GNAQ: variants seen among roughly 807,000 people sequenced by gnomAD.
The protein encoded by GNAQ is guanine nucleotide-binding protein G(q) subunit alpha.
A neutral mutation model predicts 43.9 loss-of-function variants in GNAQ; 8 were observed. The observed-to-expected ratio is 0.18, with a 90% CI of 0.11 to 0.33. The LOEUF (loss-of-function observed/expected upper bound fraction) is 0.33. GNAQ is among the 10% of genes least tolerant of loss of function. GNAQ has a pLI of 1.00. For synonymous variants in GNAQ, 155 were observed against 170.7 expected, an observed-to-expected ratio of 0.91 and a Z score of 0.71; for missense variants, 158 against 450.8, an observed-to-expected ratio of 0.35 and a Z score of 5.88.
chr9:77,913,305 T>C lies in GNAQ; in HGVS notation c.321+8856A>G, dbSNP rs549940028. Among the ~76,000 whole-genome samples, 6 of 149,868 alleles carry C rather than the reference T, an allele frequency of 4.0e-5. No homozygotes were observed. In the Admixed American group the frequency reaches 4.0e-4, roughly 10 times the overall value. ...ATAATAGGATATAATTATATATATA[T>C]AATTATAACAAATTATAGCATATTT... On this transcript the variant is annotated intron_variant, in intron 2 of 6. Transcript: ENST00000286548.
At chr9:77,994,018 T>C (rs1384595349) in intron 1 of GNAQ, among the ~76,000 whole-genome samples, 2 of 152,144 alleles carry the variant, frequency 1.3e-5, no homozygotes, top group African/African-American at 4.8e-5. Context: ...GGGTTTTTTG[T>C]TTGTCTGTTT....
chr9:77,783,563 G>C (rs936391751), intron 5 of GNAQ, among the ~76,000 whole-genome samples: 1 of 151,936 alleles, frequency 6.6e-6, no homozygotes, highest in South Asian at 2.1e-4. Context: ...TCAAGTCACT[G>C]CCTGCCTGTG....
intron 2 of GNAQ, among the ~76,000 whole-genome samples, chr9:77,915,478 C>T (rs1828885238): frequency 6.6e-6 from 1 of 152,096 alleles, no homozygotes; most frequent in African/African-American, 2.4e-5. Context: ...TAGTAGTATT[C>T]ATTCTCTACA....
At chr9:77,832,457 G>C (rs1827314550) in intron 2 of GNAQ, among the ~76,000 whole-genome samples, 1 of 152,164 alleles carries the variant, frequency 6.6e-6, no homozygotes, top group East Asian at 1.9e-4. Flanking sequence ...ATGGAGGAAG[G>C]AGATGCTTGG....
chr9:77,752,410 C>T (rs539713314), intron 5 of GNAQ, among the ~76,000 whole-genome samples: 5 of 152,292 alleles, frequency 3.3e-5, no homozygotes, highest in East Asian at 1.9e-4. Flanking sequence ...TAACTTGCAC[C>T]GGGAGGTAGA....
intron 1 of GNAQ, among the ~76,000 whole-genome samples, chr9:77,923,137 A>C (rs924121791): frequency 6.6e-6 from 1 of 151,996 alleles, no homozygotes; most frequent in African/African-American, 2.4e-5. Context: ...CATTTTCTCC[A>C]ATTTTAAAAT....
At chr9:77,853,787 A>C (rs1006524284) in intron 2 of GNAQ, among the ~76,000 whole-genome samples, 2 of 150,486 alleles carry the variant, frequency 1.3e-5, no homozygotes, top group Non-Finnish European at 3.0e-5. Flanking sequence ...AAAAAAAAAA[A>C]AAAAAAAAAA....
chr9:77,984,304 A>G (rs7857299), intron 1 of GNAQ, among the ~76,000 whole-genome samples: 150,904 of 151,760 alleles, frequency 0.99, 75,026 homozygotes, highest in East Asian at 1. Flanking sequence ...TGAGTAGCTG[A>G]GACTACTGGC....
chr9:77,790,545 G>C (rs1408272649), intron 5 of GNAQ, among the ~76,000 whole-genome samples: 1 of 152,208 alleles, frequency 6.6e-6, no homozygotes, highest in Admixed American at 6.5e-5. Flanking sequence ...AACTCTAAAT[G>C]ACTGGTAAAG....
chr9:77,992,381 T>C (rs907696838), intron 1 of GNAQ, among the ~76,000 whole-genome samples: 2 of 152,226 alleles, frequency 1.3e-5, no homozygotes, highest in African/African-American at 4.8e-5. Flanking sequence ...AAGATTAAAG[T>C]CACCAAATGT....
At chr9:78,008,599 CATTTCATTTCATTTCATTTCATTTT>C (rs1456793289) in intron 1 of GNAQ, among the ~76,000 whole-genome samples, 28 of 146,088 alleles carry the variant, frequency 1.9e-4, no homozygotes, top group African/African-American at 7.5e-4. Flanking sequence ...CATTTCATTT[CATTTCATTTCATTTCATTTCATTTT>C]ATTTTATTTT....
At chr9:77,957,994 T>C (rs1182776517) in intron 1 of GNAQ, among the ~76,000 whole-genome samples, 1 of 152,220 alleles carries the variant, frequency 6.6e-6, no homozygotes. Flanking sequence ...TATTCATCTA[T>C]GGTCACCTTT....
chr9:77,892,014 C>A (rs1332942299), intron 2 of GNAQ, among the ~76,000 whole-genome samples: 2 of 152,146 alleles, frequency 1.3e-5, no homozygotes, highest in Non-Finnish European at 2.9e-5. Context: ...ATTCTGTAAC[C>A]AGAAAGCACC....
In GNAQ at chr9:77,833,128, G is replaced by C. The variant is rs1827327988; in HGVS notation, c.322-17358C>G. 2.6e-5 allele frequency among the ~76,000 whole-genome samples: 4 copies of C among 151,890 alleles called. No individual in the cohort carries two copies. The South Asian group carries it at 8.3e-4, about 32-fold the overall frequency. On this transcript the variant is annotated intron_variant, in intron 2 of 6. Coordinates refer to ENST00000286548, the MANE Select transcript of GNAQ (RefSeq NM_002072.5). ...ACTACAGGCATGCACCACCACACCT[G>C]GCTAATTTTTGTATTTTTTTGTAGA... is the stretch of plus-strand genomic sequence containing the variant.
intron 1 of GNAQ, among the ~76,000 whole-genome samples, chr9:77,946,391 AT>A (rs1431532081): frequency 1.3e-5 from 2 of 152,198 alleles, no homozygotes; most frequent in Non-Finnish European, 2.9e-5. Flanking sequence ...TAAGCAGAAC[AT>A]TTTCCAGCTC....
chr9:77,773,368 G>C (rs1826256865), intron 5 of GNAQ, among the ~76,000 whole-genome samples: 1 of 152,180 alleles, frequency 6.6e-6, no homozygotes, highest in Non-Finnish European at 1.5e-5. Flanking sequence ...CCTTAAAATT[G>C]ATAGTATGAA....
chr9:77,923,182 A>G (rs1224281246), intron 1 of GNAQ, among the ~76,000 whole-genome samples: 1 of 152,130 alleles, frequency 6.6e-6, no homozygotes, highest in Admixed American at 6.5e-5. Context: ...ATAGGACAAG[A>G]AGAATCATTT....
chr9:77,763,943 G>T (rs1009092378), intron 5 of GNAQ, among the ~76,000 whole-genome samples: 1 of 152,174 alleles, frequency 6.6e-6, no homozygotes, highest in South Asian at 2.1e-4. Flanking sequence ...GTTGTGTTTT[G>T]TTAGTTGTTT....
chr9:77,999,092 CAAAAAAAAAAAAA>C (rs56358201), intron 1 of GNAQ, among the ~76,000 whole-genome samples: 5 of 52,574 alleles, frequency 9.5e-5, no homozygotes, highest in African/African-American at 1.0e-4. Context: ...AACTCTGTCT[CAAAAAAAAAAAAA>C]AAAAAAAAAA....
Sources: gnomAD v4.1 joint callset for allele counts (sites outside exome capture counted in the v4.1 genomes callset) on GRCh38, gnomAD v4.1.1 for gene constraint, MANE v1.5 for transcripts, NCBI Gene and HGNC (gene_info 2026-07-23, HGNC 2026-07-21) for gene names.